FOXP4: variants seen among roughly 807,000 people sequenced by gnomAD.
The protein encoded by FOXP4 is forkhead box P4, also known as forkhead box protein P4.
In FOXP4, 25 loss-of-function variants were observed where a neutral mutation model predicts 82.6. The observed-to-expected ratio is 0.30, with a 90% confidence interval of 0.22 to 0.42. The LOEUF (loss-of-function observed/expected upper bound fraction) is 0.42, where lower values mean the gene tolerates loss of function less well. FOXP4 is among the 10% of genes least tolerant of loss of function. The probability of loss-of-function intolerance (pLI) is 1.00; values close to 1 mark genes in which losing one functional copy is unlikely to be tolerated. For missense variants in FOXP4, 785 were observed against 900.9 expected, an observed-to-expected ratio of 0.87 and a Z score of 1.65; for synonymous variants, 415 against 388.2, an observed-to-expected ratio of 1.07 and a Z score of -0.81.
chr6:41,590,389 G>C lies in FOXP4; in HGVS notation c.1434+42G>C, dbSNP rs762066910. The C allele has an allele frequency of 3.1e-6, 5 of 1,587,914 alleles. No homozygotes were observed. In the South Asian group the frequency reaches 5.7e-5, roughly 18 times the overall value. ...GGAGGAGGGTGGGGAATGGCACACA[G>C]GCTGCTCCCCCAGCCCCCGCCACAC... On this transcript the variant is annotated intron_variant, in intron 12 of 16. Transcript: ENST00000307972.
chr6:41,547,702 A>C (rs1763728962), intron 1 of FOXP4, among the ~76,000 whole-genome samples: 1 of 151,860 alleles, frequency 6.6e-6, no homozygotes, highest in Non-Finnish European at 1.5e-5. Flanking sequence ...CCGCTTCACC[A>C]CTTAAGGGGG....
At chr6:41,594,525 A>G (rs1766709330) in intron 13 of FOXP4, among the ~76,000 whole-genome samples, 1 of 152,202 alleles carries the variant, frequency 6.6e-6, no homozygotes. Flanking sequence ...CTGAGTAACA[A>G]TTACATGTGT....
At chr6:41,550,285 C>A (rs900750299) in intron 1 of FOXP4, among the ~76,000 whole-genome samples, 3 of 152,154 alleles carry the variant, frequency 2.0e-5, no homozygotes, top group Admixed American at 2.0e-4. Flanking sequence ...TAATACCCAC[C>A]TTAGAGATTC....
At chr6:41,560,203 AG>A (rs1388957622) in intron 1 of FOXP4, among the ~76,000 whole-genome samples, 4 of 152,134 alleles carry the variant, frequency 2.6e-5, no homozygotes, top group Admixed American at 1.3e-4. Flanking sequence ...GAGACTGAGG[AG>A]GGAGGATCAC....
At position 41,601,179 on chromosome 6, in the gene FOXP4, C is replaced by A. The variant is rs1050673270; in HGVS notation, c.*2243C>A. 1 of 152,332 alleles carries A rather than the reference C, an allele frequency of 6.6e-6. No individual in the cohort carries two copies. Among genetic ancestry groups the A allele is most frequent in the Non-Finnish European group, 1.5e-5 (1 of 68,130 alleles). 9.4% of individuals were successfully genotyped at this position (152,332 alleles called of 1,614,324 possible). A position where few individuals can be genotyped will look rare whatever the true frequency, so the allele number is the denominator to read the frequency against. On this transcript the variant is annotated 3_prime_UTR_variant, in exon 17 of 17. Transcript: ENST00000307972. ...GACCATTAGTGTGCGTGCACACCCA[C>A]GTGGCACACTGTGTGGTGACCATGG...
In FOXP4 at chr6:41,598,882, G is replaced by T. The variant is rs1407559923; in HGVS notation, c.1989G>T (p.Gly663=). The T allele has an allele frequency of 1.2e-6, 2 of 1,604,740 alleles. No homozygotes were observed. Among genetic ancestry groups the T allele is most frequent in the Non-Finnish European group, 1.7e-6 (2 of 1,176,962 alleles). ...GCGCCCCTAACCCCAGCGCCTCGGG[G>T]CCTCCGGAAGACAGGGACCTGGAGG... is the stretch of plus-strand genomic sequence containing the variant. The part of the protein sequence containing the change: ...PLGAPNPSAS[G]PPEDRDLEEE... Residue 663 remains glycine, a synonymous_variant, in exon 17 of 17, where the codon GGG becomes GGT. Coordinates refer to ENST00000307972, the MANE Select transcript of FOXP4 (RefSeq NM_001012426.2).
intron 1 of FOXP4, among the ~76,000 whole-genome samples, chr6:41,557,460 CAG>C (rs1243449691): frequency 6.6e-6 from 1 of 152,162 alleles, no homozygotes; most frequent in African/African-American, 2.4e-5. Context: ...CCATTTACTG[CAG>C]AGTCATAGTA....
intron 9 of FOXP4, among the ~76,000 whole-genome samples, chr6:41,589,376 A>T (rs186659956): frequency 6.6e-6 from 1 of 152,248 alleles, no homozygotes; most frequent in Non-Finnish European, 1.5e-5. Context: ...TGAGCCATTC[A>T]TCAGTTCCTG....
At chr6:41,586,598 AC>A (rs1334955917) in intron 5 of FOXP4, among the ~76,000 whole-genome samples, 1 of 152,096 alleles carries the variant, frequency 6.6e-6, no homozygotes, top group Non-Finnish European at 1.5e-5. Context: ...AGAAGGGGGC[AC>A]CCCGGGCATG....
At chr6:41,566,549 T>C (rs1764891442) in intron 2 of FOXP4, among the ~76,000 whole-genome samples, 1 of 152,172 alleles carries the variant, frequency 6.6e-6, no homozygotes, top group Admixed American at 6.5e-5. Flanking sequence ...TATTTCCTCT[T>C]CCACCCTAAA....
chr6:41,578,712 G>C (rs1581751256), intron 3 of FOXP4, among the ~76,000 whole-genome samples: 1 of 125,166 alleles, frequency 8.0e-6, no homozygotes, highest in Non-Finnish European at 1.7e-5. Flanking sequence ...TCTGTGGGGG[G>C]TGGGCGGGGG....
chr6:41,597,821 C>T lies in FOXP4; in HGVS notation c.1766C>T (p.Pro589Leu). The T allele has an allele frequency of 6.2e-7, 1 of 1,607,192 alleles. No homozygotes were observed. Among genetic ancestry groups the T allele is most frequent in the Non-Finnish European group, 8.5e-7 (1 of 1,179,182 alleles). The change falls in exon 16 of 17, where the codon CCT becomes CTT. Residue 589 changes from proline (P) to leucine (L), a missense_variant. By Grantham distance (98) the Pro-to-Leu change is moderately conservative (BLOSUM62 -3). Coordinates refer to ENST00000307972, the MANE Select transcript of FOXP4 (RefSeq NM_001012426.2). ...AGCAGCTTCCCCCTCCTCAACAGCCCTGGCATGCTGAACCCTGGCTCCGCC... is the reference window on the plus strand; with the variant it reads ...AGCAGCTTCCCCCTCCTCAACAGCCTTGGCATGCTGAACCCTGGCTCCGCC... ...AESSFPLLNS[P>L]GMLNPGSASS...
intron 15 of FOXP4, 119 bp from the exon 16 acceptor site, chr6:41,597,662 G>T (rs181859537): frequency 7.7e-7 from 1 of 1,305,612 alleles, no homozygotes; most frequent in African/African-American, 1.5e-5. Context: ...AGATCCGCCC[G>T]TGGGGCCAGT....
At chr6:41,578,457 T>C (rs541095988) in intron 3 of FOXP4, among the ~76,000 whole-genome samples, 1 of 151,976 alleles carries the variant, frequency 6.6e-6, no homozygotes, top group African/African-American at 2.4e-5. Context: ...TCCCTCTGTG[T>C]TCCTGTGTCT....
At chr6:41,581,282 C>T (rs1765785979) in intron 3 of FOXP4, among the ~76,000 whole-genome samples, 1 of 152,176 alleles carries the variant, frequency 6.6e-6, no homozygotes, top group African/African-American at 2.4e-5. Context: ...GGTTCTTGAC[C>T]CTGGCACCAA....
At chr6:41,597,271 C>T in intron 15 of FOXP4, 29 bp downstream of exon 15, 1 of 1,610,110 alleles carries the variant, frequency 6.2e-7, no homozygotes, top group Non-Finnish European at 8.5e-7. Flanking sequence ...ACCCACTCAC[C>T]TCTACCTCCC....
At chr6:41,556,585 G>C (rs574091820) in intron 1 of FOXP4, among the ~76,000 whole-genome samples, 120 of 152,224 alleles carry the variant, frequency 7.9e-4, no homozygotes, top group African/African-American at 2.6e-3. Flanking sequence ...TGGCCTCCCA[G>C]AGTGCTGGGA....
chr6:41,568,754 G>C (rs1181819289), intron 2 of FOXP4, among the ~76,000 whole-genome samples: 5 of 152,172 alleles, frequency 3.3e-5, no homozygotes, highest in African/African-American at 1.2e-4. Context: ...TCTGCTCTCA[G>C]TAAACAAGCC....
chr6:41,586,326 T>G (rs889820082), intron 5 of FOXP4, among the ~76,000 whole-genome samples: 2 of 150,062 alleles, frequency 1.3e-5, no homozygotes. Context: ...TCTCTGCCTC[T>G]CAACCCACCC....
Sources: allele counts gnomAD v4.1 joint callset (sites outside exome capture counted in the v4.1 genomes callset), GRCh38; gene constraint gnomAD v4.1.1; transcripts MANE v1.5; gene names NCBI Gene and HGNC (gene_info 2026-07-23, HGNC 2026-07-21).